FBXL7: variants seen among roughly 807,000 people sequenced by gnomAD.
FBXL7 encodes F-box and leucine rich repeat protein 7.
FBXL7 carries 12 observed loss-of-function variants against 38.3 expected under a neutral mutation model. That is an observed-to-expected ratio of 0.31 (90% confidence interval 0.20 to 0.51). The LOEUF is 0.51. Ranked by LOEUF, FBXL7 falls within the 20% of genes least tolerant of loss-of-function variation. The probability of loss-of-function intolerance (pLI) is 0.98; values close to 1 mark genes in which losing one functional copy is unlikely to be tolerated. For missense variants in FBXL7, 567 were observed against 676.4 expected, an observed-to-expected ratio of 0.84 and a Z score of 1.79; for synonymous variants, 297 against 300.9, an observed-to-expected ratio of 0.99 and a Z score of 0.13.
At chr5:15,504,956 G>A (rs1385243038) in intron 1 of FBXL7, among the ~76,000 whole-genome samples, 1 of 152,128 alleles carries the variant, frequency 6.6e-6, no homozygotes, top group Non-Finnish European at 1.5e-5. Context: ...TTGCAAAGCC[G>A]AGGACATTGT....
At chr5:15,602,138 G>C (rs1375800330) in intron 1 of FBXL7, 1 of 152,150 alleles carries the variant, frequency 6.6e-6, no homozygotes. Flanking sequence ...AGCCCTTGCA[G>C]GGAGCATGGC....
At chr5:15,772,877 G>C (rs1311038835) in intron 2 of FBXL7, among the ~76,000 whole-genome samples, 1 of 151,334 alleles carries the variant, frequency 6.6e-6, no homozygotes, top group East Asian at 1.9e-4. Context: ...TAGTGACTCA[G>C]AGCTATGAAA....
At chr5:15,545,483 A>T (rs2126414210) in intron 1 of FBXL7, among the ~76,000 whole-genome samples, 1 of 152,360 alleles carries the variant, frequency 6.6e-6, no homozygotes, top group South Asian at 2.1e-4. Context: ...TTTGCTAAAT[A>T]ATCATATAGA....
At chr5:15,812,955 G>A (rs1737908056) in intron 2 of FBXL7, among the ~76,000 whole-genome samples, 2 of 152,086 alleles carry the variant, frequency 1.3e-5, no homozygotes, top group African/African-American at 4.8e-5. Context: ...GTATAGGAAT[G>A]CTTGTGATTT....
intron 2 of FBXL7, among the ~76,000 whole-genome samples, chr5:15,694,892 G>A (rs574471477): frequency 6.6e-5 from 10 of 152,264 alleles, no homozygotes; most frequent in African/African-American, 2.2e-4. Flanking sequence ...AAGAACAGCC[G>A]AGTAAGGTTT....
chr5:15,563,049 CACTT>C (rs1400838752), intron 1 of FBXL7, among the ~76,000 whole-genome samples: 1 of 152,076 alleles, frequency 6.6e-6, no homozygotes, highest in African/African-American at 2.4e-5. Context: ...TGCTGATAGA[CACTT>C]AGTTGTTTCC....
At chr5:15,933,697 T>A (rs1404373616) in intron 3 of FBXL7, among the ~76,000 whole-genome samples, 1 of 152,180 alleles carries the variant, frequency 6.6e-6, no homozygotes, top group Non-Finnish European at 1.5e-5. Context: ...AGCACGTGGT[T>A]TTTGAACCTC....
intron 2 of FBXL7, among the ~76,000 whole-genome samples, chr5:15,666,503 T>G (rs1430988117): frequency 6.6e-6 from 1 of 152,218 alleles, no homozygotes; most frequent in Non-Finnish European, 1.5e-5. Context: ...TTATAGACAC[T>G]TTCACACCAT....
intron 2 of FBXL7, among the ~76,000 whole-genome samples, chr5:15,654,417 T>TG (rs1298572769): frequency 2.1e-5 from 2 of 95,478 alleles, no homozygotes; most frequent in African/African-American, 9.3e-5. Flanking sequence ...CATAAAAAAC[T>TG]GAAAAAAAAA....
rs944028410 is a variant in FBXL7, at chr5:15,630,077, A to G, written c.127+14005A>G. ...AGGTGGAACAGAAGATACCATTTCTATTTTACATTTTCAGCATTTTAAAAC... is the reference window on the plus strand; with the variant it reads ...AGGTGGAACAGAAGATACCATTTCTGTTTTACATTTTCAGCATTTTAAAAC... On this transcript the variant is annotated intron_variant, in intron 2 of 3. Coordinates refer to ENST00000504595, the MANE Select transcript of FBXL7 (RefSeq NM_012304.5). Among the ~76,000 whole-genome samples, 10 of 152,102 alleles carry G rather than the reference A, an allele frequency of 6.6e-5. No homozygotes were observed. The East Asian group carries it at 7.7e-4, about 12-fold the overall frequency.
chr5:15,602,902 T>C (rs1225245563), intron 1 of FBXL7, among the ~76,000 whole-genome samples: 1 of 152,190 alleles, frequency 6.6e-6, no homozygotes, highest in Admixed American at 6.5e-5. Flanking sequence ...GGCACCATCA[T>C]GGCTCACTGC....
At chr5:15,503,497 C>T (rs1256896884) in intron 1 of FBXL7, among the ~76,000 whole-genome samples, 2 of 152,244 alleles carry the variant, frequency 1.3e-5, no homozygotes, top group African/African-American at 2.4e-5. Context: ...TTCAACCAGT[C>T]ATACACTGCT....
chr5:15,522,211 G>A (rs926631667), intron 1 of FBXL7, among the ~76,000 whole-genome samples: 19 of 152,034 alleles, frequency 1.2e-4, no homozygotes, highest in Admixed American at 9.8e-4. Flanking sequence ...CCCCTCCCTT[G>A]CCCTCACCAT....
intron 2 of FBXL7, among the ~76,000 whole-genome samples, chr5:15,891,931 G>T (rs1740920448): frequency 6.6e-6 from 1 of 152,206 alleles, no homozygotes; most frequent in Non-Finnish European, 1.5e-5. Flanking sequence ...CTGCAGTGGG[G>T]CCAGAAGTAA....
intron 2 of FBXL7, among the ~76,000 whole-genome samples, chr5:15,774,357 G>A (rs1505035): frequency 0.19 from 29,336 of 152,076 alleles, 2,812 homozygotes; most frequent in South Asian, 0.24. Context: ...TTTACCAGGG[G>A]AAGAAGCATA....
intron 2 of FBXL7, among the ~76,000 whole-genome samples, chr5:15,903,717 C>T (rs1741286715): frequency 6.6e-6 from 1 of 152,060 alleles, no homozygotes; most frequent in Non-Finnish European, 1.5e-5. Context: ...CTGTGTACCC[C>T]ATGAATATGT....
chr5:15,710,284 T>C (rs1369169147), intron 2 of FBXL7, among the ~76,000 whole-genome samples: 2 of 152,100 alleles, frequency 1.3e-5, no homozygotes, highest in Non-Finnish European at 2.9e-5. Flanking sequence ...CTGCCACATG[T>C]CCTCTTGCAC....
chr5:15,557,192 C>T (rs1738270079), intron 1 of FBXL7, among the ~76,000 whole-genome samples: 2 of 152,320 alleles, frequency 1.3e-5, no homozygotes, highest in South Asian at 4.1e-4. Flanking sequence ...CCAGCCTTGG[C>T]CTCTCAAAGT....
intron 2 of FBXL7, among the ~76,000 whole-genome samples, chr5:15,917,698 A>AAGGAAGG (rs1254318383): frequency 8.0e-4 from 90 of 112,848 alleles, no homozygotes; most frequent in Non-Finnish European, 1.5e-3. Flanking sequence ...AGGAAGGAAG[A>AAGGAAGG]AAGAAAGGAA....
Sources: allele counts gnomAD v4.1 joint callset (sites outside exome capture counted in the v4.1 genomes callset), GRCh38; gene constraint gnomAD v4.1.1; transcripts MANE v1.5; gene names NCBI Gene and HGNC (gene_info 2026-07-23, HGNC 2026-07-21).